The following MBP variants were observed in gnomAD, a reference collection of about 807,000 sequenced individuals.
MBP encodes myelin basic protein.
Under a neutral mutation model 35.8 loss-of-function variants are expected in MBP, and 16 were observed. The ratio of observed to expected loss-of-function variants is 0.45; its 90% CI spans 0.30 to 0.68. MBP has a LOEUF of 0.68. Ranked by LOEUF, MBP falls within the 30% of genes least tolerant of loss-of-function variation. The pLI is 0.08. For synonymous variants in MBP, 143 were observed against 159.6 expected, an observed-to-expected ratio of 0.90 and a Z score of 0.78; for missense variants, 380 against 404.7, an observed-to-expected ratio of 0.94 and a Z score of 0.52.
chr18:77,035,230 T>C (rs1972710816), intron 3 of MBP, among the ~76,000 whole-genome samples: 1 of 152,230 alleles, frequency 6.6e-6, no homozygotes, highest in Admixed American at 6.5e-5. Flanking sequence ...GATCAACCCA[T>C]GGCTTTCACA....
At chr18:76,996,259 C>A (rs1970263810) in intron 4 of MBP, among the ~76,000 whole-genome samples, 1 of 152,196 alleles carries the variant, frequency 6.6e-6, no homozygotes, top group Non-Finnish European at 1.5e-5. Context: ...CTATACTTAC[C>A]ATATGACCCT....
At chr18:77,028,860 G>A (rs1972389181) in intron 3 of MBP, among the ~76,000 whole-genome samples, 1 of 107,186 alleles carries the variant, frequency 9.3e-6, no homozygotes, top group Admixed American at 9.6e-5. Context: ...ATGTGATGGC[G>A]GCCGGGCAGA....
chr18:76,979,611 G>C lies in MBP; in HGVS notation c.*816C>G, dbSNP rs1002947107. The C allele has an allele frequency of 9.6e-6, 3 of 312,392 alleles. No individual in the cohort carries two copies. The highest frequency in any genetic ancestry group is 6.5e-5 in the African/African-American group (3 of 46,132). The allele number at this position is 312,392 out of a possible 1,614,324, so 19.4% of individuals were successfully genotyped here. A position where few individuals can be genotyped will look rare whatever the true frequency, so the allele number is the denominator to read the frequency against. On this transcript the variant is annotated 3_prime_UTR_variant, in exon 9 of 9. Coordinates refer to ENST00000355994, the MANE Select transcript of MBP (RefSeq NM_001025101.2). ...TTTGGAAACGAGGTTGTTCATAGAG[G>C]CTGCTCTGGGGCCACCATGCAGGGC... is the stretch of plus-strand genomic sequence containing the variant.
At chr18:77,007,917 C>T (rs1002179366) in intron 4 of MBP, among the ~76,000 whole-genome samples, 16 of 152,186 alleles carry the variant, frequency 1.1e-4, no homozygotes, top group African/African-American at 2.7e-4. Context: ...CTGCTTTTCC[C>T]TGCTAAATAA....
intron 4 of MBP, among the ~76,000 whole-genome samples, chr18:76,996,501 A>C (rs1440595814): frequency 6.6e-6 from 1 of 152,208 alleles, no homozygotes; most frequent in African/African-American, 2.4e-5. Context: ...GAAGGGATAA[A>C]CACACTGTGC....
chr18:77,065,038 G>C (rs1359258899), intron 3 of MBP, among the ~76,000 whole-genome samples: 1 of 152,164 alleles, frequency 6.6e-6, no homozygotes, highest in African/African-American at 2.4e-5. Context: ...ATGATGGGAC[G>C]AGTGGATCCA....
chr18:77,026,145 C>T lies in MBP; in HGVS notation c.140-8877G>A, dbSNP rs71360990. On this transcript the variant is annotated intron_variant, in intron 3 of 8. Coordinates refer to ENST00000355994, the MANE Select transcript of MBP (RefSeq NM_001025101.2). The stretch of plus-strand genomic sequence containing the variant: ...AATGCTTCTGGTCAGGGGGCCCTGC[C>T]GCCTCGTTTCAGGGACGGTGCCTGC... 5.4e-3 allele frequency among the ~76,000 whole-genome samples: 817 copies of T among 152,342 alleles called. 3 individuals carry two copies. Among genetic ancestry groups the T allele is most frequent in the Non-Finnish European group, 8.9e-3 (603 of 68,030 alleles).
rs1161954685 is a variant in MBP, at chr18:77,100,541, G to GTTT, written c.51+4669_51+4670insAAA. On this transcript the variant is annotated intron_variant, in intron 2 of 8. Transcript: ENST00000355994. Reference sequence around the variant, plus strand: ...TGTGTGTGTGTGTGTGTGTGTGTGTGTGTGTTTTGTGGTTTTTTCTTTTTT... The same window carrying GTTT: ...TGTGTGTGTGTGTGTGTGTGTGTGTGTTTTGTGTTTTGTGGTTTTTTCTTTTTT... 3.1e-3 allele frequency among the ~76,000 whole-genome samples: 301 copies of GTTT among 97,620 alleles called. 3 individuals carry two copies. The highest frequency in any genetic ancestry group is 7.9e-3 in the African/African-American group (237 of 30,050). The allele number at this position is 97,620 out of a possible 152,430, so 64.0% of individuals were successfully genotyped here. A position where few individuals can be genotyped will look rare whatever the true frequency, so the allele number is the denominator to read the frequency against.
intron 2 of MBP, among the ~76,000 whole-genome samples, chr18:77,086,849 T>C (rs1975255671): frequency 6.6e-6 from 1 of 151,776 alleles, no homozygotes; most frequent in South Asian, 2.1e-4. Flanking sequence ...AGGAAAAGAG[T>C]GTCTTAAGAA....
At chr18:77,055,308 G>A (rs748109060) in intron 3 of MBP, among the ~76,000 whole-genome samples, 2 of 152,188 alleles carry the variant, frequency 1.3e-5, no homozygotes, top group Non-Finnish European at 2.9e-5. Flanking sequence ...GGGAGGAAGT[G>A]GCTTTGTACC....
rs1378911447 is a variant in MBP at position 77,081,394 on chromosome 18, A to C, written c.52-15009T>G. Among the ~76,000 whole-genome samples, 11 of 152,328 alleles carry C rather than the reference A, an allele frequency of 7.2e-5. No homozygotes were observed. The East Asian group carries it at 7.7e-4, about 11-fold the overall frequency. Reference sequence around the variant, plus strand: ...ACCCAAGTTCGAAAGATGGGGAAAAAATTTGAATAGACATTTCTTTAAAAA... The same window carrying C: ...ACCCAAGTTCGAAAGATGGGGAAAACATTTGAATAGACATTTCTTTAAAAA... On this transcript the variant is annotated intron_variant, in intron 2 of 8. Coordinates refer to ENST00000355994, the MANE Select transcript of MBP (RefSeq NM_001025101.2).
At chr18:77,001,012 C>CT (rs1031786559) in intron 4 of MBP, among the ~76,000 whole-genome samples, 169 of 152,312 alleles carry the variant, frequency 1.1e-3, no homozygotes, top group Non-Finnish European at 4.3e-4. Flanking sequence ...GCTCTTAGTT[C>CT]TTTGTCTGAG....
intron 2 of MBP, among the ~76,000 whole-genome samples, chr18:77,104,682 G>A (rs997275087): frequency 6.6e-6 from 1 of 152,134 alleles, no homozygotes; most frequent in Non-Finnish European, 1.5e-5. Context: ...CAAACCAGCA[G>A]CTAGTTAGAG....
intron 2 of MBP, among the ~76,000 whole-genome samples, chr18:77,091,877 C>T (rs1975543402): frequency 6.6e-6 from 1 of 152,036 alleles, no homozygotes; most frequent in Admixed American, 6.6e-5. Context: ...GTGCACATAC[C>T]ACATATGCAC....
At chr18:76,985,659 C>G in intron 7 of MBP, 1 of 1,054,508 alleles carries the variant, frequency 9.5e-7, no homozygotes, top group Non-Finnish European at 1.1e-6. Context: ...AGCGGGACAG[C>G]GTCTCAGCTC....
At chr18:77,082,953 G>A (rs563780430) in intron 2 of MBP, among the ~76,000 whole-genome samples, 102 of 140,204 alleles carry the variant, frequency 7.3e-4, no homozygotes, top group African/African-American at 2.6e-3. Context: ...TTGCTAGTCT[G>A]GCTATTCTGC....
intron 3 of MBP, among the ~76,000 whole-genome samples, chr18:77,065,272 G>C (rs900887359): frequency 6.6e-5 from 10 of 152,172 alleles, no homozygotes; most frequent in African/African-American, 2.4e-4. Context: ...TGGTGAGTGT[G>C]CCATGACGTG....
At chr18:77,084,373 C>T (rs1194017439) in intron 2 of MBP, among the ~76,000 whole-genome samples, 2 of 147,838 alleles carry the variant, frequency 1.4e-5, no homozygotes, top group Non-Finnish European at 3.0e-5. Context: ...CAAAAGACTG[C>T]GAAAACCACA....
intron 1 of MBP, 95 bp from the exon 2 acceptor site, chr18:77,105,381 T>A: frequency 1.4e-6 from 1 of 734,270 alleles, no homozygotes; most frequent in Non-Finnish European, 2.4e-6. Flanking sequence ...GTGATATATG[T>A]AATGCCCATT....
Sources: gnomAD v4.1 joint callset for allele counts (sites outside exome capture counted in the v4.1 genomes callset) on GRCh38, gnomAD v4.1.1 for gene constraint, MANE v1.5 for transcripts, NCBI Gene and HGNC (gene_info 2026-07-23, HGNC 2026-07-21) for gene names.